TTC34: variants seen among roughly 807,000 people sequenced by gnomAD.
TTC34 encodes the protein tetratricopeptide repeat domain 34, also known as tetratricopeptide repeat protein 34.
A neutral mutation model predicts 40.7 loss-of-function variants in TTC34; 44 were observed. That is an observed-to-expected ratio of 1.08 (90% CI 0.85 to 1.39). The LOEUF (loss-of-function observed/expected upper bound fraction) is 1.39, where lower values mean the gene tolerates loss of function less well. TTC34 is among the 40% of genes most tolerant of loss of function. The probability of loss-of-function intolerance (pLI) is 0.00; values close to 1 mark genes in which losing one functional copy is unlikely to be tolerated. For synonymous variants in TTC34, 422 were observed against 398.6 expected (o/e 1.06, Z -0.70); for missense variants, 884 against 838.0 (o/e 1.05, Z -0.68).
chr1:2,798,760 T>C (rs1569980024), intron 2 of TTC34, among the ~76,000 whole-genome samples: 1 of 67,494 alleles, frequency 1.5e-5, no homozygotes, highest in Non-Finnish European at 2.9e-5. Flanking sequence ...CCTCCCAGCC[T>C]CTCAGCCTCC....
intron 6 of TTC34, among the ~76,000 whole-genome samples, chr1:2,685,978 C>A (rs1348899549): frequency 1.5e-4 from 7 of 47,336 alleles, no homozygotes; most frequent in Middle Eastern, 0.018. Context: ...GAGCATCTGA[C>A]TGCATGTATC....
chr1:2,749,017 T>A (rs1414249781), intron 6 of TTC34, among the ~76,000 whole-genome samples: 1 of 48,194 alleles, frequency 2.1e-5, no homozygotes. Context: ...GGTGAGCATC[T>A]GACAGCCTGG....
At chr1:2,686,513 A>C (rs1640356225) in intron 6 of TTC34, among the ~76,000 whole-genome samples, 1 of 93,150 alleles carries the variant, frequency 1.1e-5, no homozygotes, top group Non-Finnish European at 2.0e-5. Context: ...CTCGAACAGC[A>C]CCCTGCACCC....
exon 9 of TTC34, chr1:2,640,487 G>A (rs889593127): frequency 2.6e-5 from 4 of 152,214 alleles, no homozygotes; most frequent in Admixed American, 2.6e-4. Flanking sequence ...AGGGCCCCTC[G>A]GTGGTCCCTC....
intron 6 of TTC34, among the ~76,000 whole-genome samples, chr1:2,764,174 C>T (rs1234109348): frequency 2.0e-5 from 3 of 148,182 alleles, no homozygotes; most frequent in Admixed American, 2.0e-4. Context: ...TAAAACAGCA[C>T]CCTGCAACCC....
intron 6 of TTC34, among the ~76,000 whole-genome samples, chr1:2,778,888 G>A (rs1643419906): frequency 6.6e-6 from 1 of 152,038 alleles, no homozygotes; most frequent in Admixed American, 6.5e-5. Context: ...CTGAAACTCT[G>A]TCCCCGTTAA....
At chr1:2,767,742 G>A (rs1239160332) in intron 6 of TTC34, among the ~76,000 whole-genome samples, 1 of 137,068 alleles carries the variant, frequency 7.3e-6, no homozygotes, top group Non-Finnish European at 1.6e-5. Flanking sequence ...GTGAGAATAT[G>A]ACAGAATAAA....
At chr1:2,692,620 C>G (rs1414094640) in intron 6 of TTC34, among the ~76,000 whole-genome samples, 53 of 125,280 alleles carry the variant, frequency 4.2e-4, no homozygotes, top group Non-Finnish European at 6.4e-4. Flanking sequence ...GAACAGCACC[C>G]ACACCCCCAG....
rs1201872707 is a variant in TTC34, at chr1:2,775,624, C to T, written c.2226+7985G>A. On this transcript the variant is annotated intron_variant, in intron 6 of 8. Transcript: ENST00000401095. ...GGTGATGTGACTGCGTGGAACAGCA[C>T]ATCCCCTCAGGTGAGCATCTGACAG... 15 of 149,022 alleles carry T rather than the reference C, an allele frequency of 1.0e-4. 1 individual carries two copies. The highest frequency in any genetic ancestry group is 3.9e-4 in the African/African-American group (15 of 38,522). 9.2% of individuals were successfully genotyped at this position (149,022 alleles called of 1,614,324 possible).
intron 3 of TTC34, 88 bp downstream of exon 3, chr1:2,789,415 T>A: frequency 7.6e-7 from 1 of 1,312,666 alleles, no homozygotes; most frequent in Non-Finnish European, 1.0e-6. Context: ...GTTCATTCCT[T>A]TGTAAAATAG....
intron 3 of TTC34, among the ~76,000 whole-genome samples, chr1:2,788,712 G>A (rs1163670010): frequency 6.6e-6 from 1 of 152,152 alleles, no homozygotes; most frequent in Non-Finnish European, 1.5e-5. Flanking sequence ...TACAAGTGGC[G>A]GCGCTTCCTG....
intron 6 of TTC34, among the ~76,000 whole-genome samples, chr1:2,753,356 G>C (rs1174496654): frequency 8.3e-6 from 1 of 121,050 alleles, no homozygotes; most frequent in Non-Finnish European, 1.7e-5. Context: ...GCATCTGACA[G>C]CCTAGAACAG....
intron 6 of TTC34, among the ~76,000 whole-genome samples, chr1:2,768,017 T>A (rs1403432254): frequency 6.6e-6 from 1 of 151,118 alleles, no homozygotes; most frequent in Non-Finnish European, 1.5e-5. Flanking sequence ...CAGGTGAGCA[T>A]CTGACAGCAT....
chr1:2,642,323 T>G (rs1187197493), intron 8 of TTC34, among the ~76,000 whole-genome samples: 1 of 152,140 alleles, frequency 6.6e-6, no homozygotes, highest in South Asian at 2.1e-4. Context: ...CCTCGGTCCC[T>G]CTGGGCCAAG....
At chr1:2,768,726 G>A (rs1350152900) in intron 6 of TTC34, among the ~76,000 whole-genome samples, 12 of 138,400 alleles carry the variant, frequency 8.7e-5, no homozygotes, top group Non-Finnish European at 1.4e-4. Flanking sequence ...TGGCAGCCTG[G>A]AAAAACAACC....
At chr1:2,799,671 G>A (rs950888077) in intron 2 of TTC34, among the ~76,000 whole-genome samples, 7 of 152,088 alleles carry the variant, frequency 4.6e-5, no homozygotes, top group South Asian at 4.2e-4. Flanking sequence ...TCTCCCATTC[G>A]TTTTCCCCTT....
At chr1:2,681,276 A>C (rs1640061667) in intron 6 of TTC34, among the ~76,000 whole-genome samples, 1 of 98,738 alleles carries the variant, frequency 1.0e-5, no homozygotes, top group Non-Finnish European at 2.2e-5. Flanking sequence ...CCAGGTGAGC[A>C]ACTGACAGCC....
chr1:2,789,764 A>AGC lies in TTC34; in HGVS notation c.1365_1366dup (p.Leu456ArgfsTer101). 2 of 623,390 alleles carry AGC rather than the reference A, an allele frequency of 3.2e-6. No homozygotes were observed. The highest frequency in any genetic ancestry group is 4.9e-6 in the Non-Finnish European group (2 of 406,264). The allele number at this position is 623,390 out of a possible 1,614,324, so 38.6% of individuals were successfully genotyped here. A position where few individuals can be genotyped will look rare whatever the true frequency, so the allele number is the denominator to read the frequency against. Reference sequence around the variant, plus strand: ...CACCCGCAGCAGTCCCCGGCCGCACAGCGCGCGCACACAGCCCCCCGGGTG... The same window carrying AGC: ...CACCCGCAGCAGTCCCCGGCCGCACAGCGCGCGCGCACACAGCCCCCCGGGTG... On this transcript the variant is annotated frameshift_variant, in exon 3 of 9. Transcript: ENST00000401095. LOFTEE classifies it high-confidence loss of function.
At chr1:2,799,116 G>GGCCTCCCGGCCTCCCA (rs1553172045) in intron 2 of TTC34, among the ~76,000 whole-genome samples, 1 of 70,304 alleles carries the variant, frequency 1.4e-5, no homozygotes, top group Non-Finnish European at 2.9e-5. Flanking sequence ...TCAGCCTCCC[G>GGCCTCCCGGCCTCCCA]GCCTCCCGGC....
Sources: allele counts gnomAD v4.1 joint callset (sites outside exome capture counted in the v4.1 genomes callset), GRCh38; gene constraint gnomAD v4.1.1; transcripts MANE v1.5; gene names NCBI Gene and HGNC (gene_info 2026-07-23, HGNC 2026-07-21).